DNAI3: variants seen among roughly 807,000 people sequenced by gnomAD.
DNAI3 encodes the protein WD repeat domain 63.
In DNAI3, 83 loss-of-function variants were observed where a neutral mutation model predicts 115.5. The observed-to-expected ratio is 0.72, with a 90% CI of 0.60 to 0.86. DNAI3 has a LOEUF of 0.86. Among genes scored for constraint, DNAI3 ranks in the 40% least tolerant of loss-of-function variants. The pLI is 0.00. For missense variants in DNAI3, 1,004 were observed against 1,075.8 expected (o/e 0.93, Z 0.93); for synonymous variants, 320 against 347.0 (o/e 0.92, Z 0.86).
chr1:85,101,436 TAAC>T (rs1429275176), intron 13 of DNAI3, among the ~76,000 whole-genome samples: 2 of 151,906 alleles, frequency 1.3e-5, no homozygotes, highest in Non-Finnish European at 2.9e-5. Context: ...TAAATGAAAA[TAAC>T]AGGCTGGGCG....
chr1:85,129,964 C>T, intron 21 of DNAI3, 26 bp from the exon 22 acceptor site: 2 of 1,595,486 alleles, frequency 1.3e-6, no homozygotes, highest in Non-Finnish European at 8.5e-7. Flanking sequence ...GCCTGTCACC[C>T]TCTCATGGAC....
chr1:85,070,215 C>A (rs1044194453), intron 1 of DNAI3, among the ~76,000 whole-genome samples: 1 of 151,792 alleles, frequency 6.6e-6, no homozygotes, highest in Non-Finnish European at 1.5e-5. Context: ...GAGCTGAGAC[C>A]GCGCCACTGC....
intron 17 of DNAI3, 74 bp downstream of exon 17, chr1:85,117,933 C>T: frequency 2.0e-6 from 3 of 1,523,576 alleles, no homozygotes; most frequent in South Asian, 1.3e-5. Flanking sequence ...ATCTACTGTA[C>T]ATTTTTGCTG....
chr1:85,109,555 G>C (rs1655592354), intron 15 of DNAI3, among the ~76,000 whole-genome samples: 1 of 152,158 alleles, frequency 6.6e-6, no homozygotes, highest in African/African-American at 2.4e-5. Context: ...ACTGTGAAGT[G>C]TGACAGTTTC....
intron 3 of DNAI3, among the ~76,000 whole-genome samples, chr1:85,077,002 G>T (rs115106240): frequency 0.028 from 4,186 of 152,206 alleles, 170 homozygotes; most frequent in African/African-American, 0.096. Context: ...TACCTCATAA[G>T]ACTGATGTGG....
At chr1:85,122,996 C>A (rs906471688) in intron 18 of DNAI3, among the ~76,000 whole-genome samples, 1 of 152,142 alleles carries the variant, frequency 6.6e-6, no homozygotes, top group Admixed American at 6.5e-5. Flanking sequence ...AAAGTGAACT[C>A]TTGATCTTAG....
intron 1 of DNAI3, 68 bp from the exon 2 acceptor site, chr1:85,071,860 T>A: frequency 7.3e-7 from 1 of 1,375,154 alleles, no homozygotes; most frequent in Admixed American, 2.1e-5. Flanking sequence ...TGATAATGTT[T>A]AGTATTTGAA....
intron 1 of DNAI3, among the ~76,000 whole-genome samples, chr1:85,066,768 GA>G (rs909270122): frequency 6.6e-6 from 1 of 151,880 alleles, no homozygotes; most frequent in East Asian, 1.9e-4. Context: ...CAACTTAATA[GA>G]AAAAAGTTTG....
At chr1:85,064,057 T>C (rs1027266347) in intron 1 of DNAI3, among the ~76,000 whole-genome samples, 1 of 152,240 alleles carries the variant, frequency 6.6e-6, no homozygotes, top group Non-Finnish European at 1.5e-5. Context: ...ATTTAACGTG[T>C]TAATAAAGTA....
intron 22 of DNAI3, among the ~76,000 whole-genome samples, chr1:85,130,962 G>A (rs563791429): frequency 1.8e-4 from 27 of 152,222 alleles, no homozygotes; most frequent in Non-Finnish European, 3.5e-4. Context: ...TAAATACTTT[G>A]TGAATTAGGC....
At chr1:85,118,165 G>T (rs1407681500) in intron 17 of DNAI3, among the ~76,000 whole-genome samples, 1 of 152,092 alleles carries the variant, frequency 6.6e-6, no homozygotes, top group Non-Finnish European at 1.5e-5. Flanking sequence ...AAGTGTTAGA[G>T]ATTTACTAAG....
chr1:85,087,264 C>T (rs1383596565), intron 7 of DNAI3, among the ~76,000 whole-genome samples: 2 of 151,638 alleles, frequency 1.3e-5, no homozygotes, highest in African/African-American at 2.4e-5. Context: ...GGTGAAACCC[C>T]GTCTTTACTA....
chr1:85,104,445 A>G, intron 13 of DNAI3, 79 bp from the exon 14 acceptor site: 1 of 1,282,704 alleles, frequency 7.8e-7, no homozygotes, highest in East Asian at 2.5e-5. Context: ...TTAACATTTA[A>G]AACAAAGAAG....
At chr1:85,090,033 A>G (rs1386949417) in intron 7 of DNAI3, 83 bp from the exon 8 acceptor site, 1 of 533,196 alleles carries the variant, frequency 1.9e-6, no homozygotes, top group African/African-American at 2.0e-5. Flanking sequence ...ATTGTCACAG[A>G]GACACACTTT....
At chr1:85,072,035 T>G (rs1292310769) in intron 2 of DNAI3, 30 bp downstream of exon 2, 1 of 1,590,672 alleles carries the variant, frequency 6.3e-7, no homozygotes, top group South Asian at 1.1e-5. Context: ...GAATGGGATT[T>G]TTTGTGGAGT....
intron 16 of DNAI3, among the ~76,000 whole-genome samples, chr1:85,114,150 C>T (rs1034930236): frequency 6.6e-6 from 1 of 151,424 alleles, no homozygotes; most frequent in Non-Finnish European, 1.5e-5. Flanking sequence ...GTAGCTGGGA[C>T]CACAGGCATG....
chr1:85,069,554 G>C (rs995372497), intron 1 of DNAI3, among the ~76,000 whole-genome samples: 1 of 151,888 alleles, frequency 6.6e-6, no homozygotes, highest in Non-Finnish European at 1.5e-5. Context: ...TGTGTGCGTG[G>C]GGTGAGGCTA....
In DNAI3 at chr1:85,072,080, T is replaced by A. The variant is rs577740025; in HGVS notation, c.64+75T>A. 2,132 of 1,337,192 alleles carry A rather than the reference T, an allele frequency of 1.6e-3. 1 individual carries two copies. Among genetic ancestry groups the A allele is most frequent in the Admixed American group, 2.3e-3 (102 of 43,510 alleles). The allele number at this position is 1,337,192 out of a possible 1,614,324, so 82.8% of individuals were successfully genotyped here. On this transcript the variant is annotated intron_variant, in intron 2 of 22. Coordinates refer to ENST00000294664, the MANE Select transcript of DNAI3 (RefSeq NM_145172.5). ...TATATTAGCAGCAAAATGATTATGG[T>A]TTTACATATCAAATGAAATAAAATA...
At chr1:85,131,783 A>C (rs1656332032) in intron 22 of DNAI3, among the ~76,000 whole-genome samples, 1 of 152,232 alleles carries the variant, frequency 6.6e-6, no homozygotes, top group Admixed American at 6.5e-5. Context: ...ATACCATAGC[A>C]ACAGCTCCTA....
Sources: gnomAD v4.1 joint callset for allele counts (sites outside exome capture counted in the v4.1 genomes callset) on GRCh38, gnomAD v4.1.1 for gene constraint, MANE v1.5 for transcripts, NCBI Gene and HGNC (gene_info 2026-07-23, HGNC 2026-07-21) for gene names.